LNX1: variants seen among roughly 807,000 people sequenced by gnomAD.
The protein encoded by LNX1 is E3 ubiquitin-protein ligase LNX.
Under a neutral mutation model 68.4 loss-of-function variants are expected in LNX1, and 54 were observed. That is an observed-to-expected ratio of 0.79 (90% CI 0.63 to 0.99). The LOEUF (loss-of-function observed/expected upper bound fraction) is 0.99. Among genes scored for constraint, LNX1 ranks in the 50% least tolerant of loss-of-function variants. LNX1 has a pLI of 0.00. For missense variants in LNX1, 906 were observed against 926.4 expected (o/e 0.98, Z 0.29); for synonymous variants, 336 against 350.0 (o/e 0.96, Z 0.45).
chr4:53,642,731 T>C (rs1734733466), intron 1 of LNX1, among the ~76,000 whole-genome samples: 1 of 152,180 alleles, frequency 6.6e-6, no homozygotes, highest in African/African-American at 2.4e-5. Context: ...CTGCGGGGTC[T>C]GAGGTTTCCT....
intron 2 of LNX1, among the ~76,000 whole-genome samples, chr4:53,510,004 T>A (rs186916452): frequency 3.7e-4 from 57 of 152,372 alleles, no homozygotes; most frequent in Admixed American, 3.7e-3. Flanking sequence ...TGGATATTGA[T>A]GAAGTACATA....
rs545441271 is a variant in LNX1 at position 53,559,124 on chromosome 4, C to T, written c.380+14499G>A. Among the ~76,000 whole-genome samples the T allele has an allele frequency of 2.6e-5, 4 of 152,354 alleles. No homozygotes were observed. The South Asian group carries it at 8.3e-4, about 32-fold the overall frequency. On this transcript the variant is annotated intron_variant, in intron 2 of 10. Transcript: ENST00000263925. ...AGCCAAGCCATGATAGCAAACTCCACTCCACAGGAAGTAGACCAGAGAAAA... is the reference window on the plus strand; with the variant it reads ...AGCCAAGCCATGATAGCAAACTCCATTCCACAGGAAGTAGACCAGAGAAAA...
At chr4:53,539,012 C>T (rs1354181688) in intron 2 of LNX1, 2 of 152,220 alleles carry the variant, frequency 1.3e-5, no homozygotes, top group African/African-American at 4.8e-5. Context: ...AGAAGGAAGA[C>T]TAAATCAACT....
chr4:53,568,049 C>T (rs1477293085), intron 2 of LNX1, among the ~76,000 whole-genome samples: 1 of 152,058 alleles, frequency 6.6e-6, no homozygotes, highest in Non-Finnish European at 1.5e-5. Context: ...GGATTCACAG[C>T]CGAATTCTAC....
rs71197034 is a variant in LNX1 at position 53,612,705 on chromosome 4, A to ATT, written c.-215+3810_-215+3811dup. ...GTATGGTATGCCAGCTAATTTTTGT[A>ATT]TTTTTTTTTTTTGTAGAGATGGGGT... On this transcript the variant is annotated intron_variant, in intron 2 of 3. Coordinates refer to the LNX1 transcript ENST00000504299. Among the ~76,000 whole-genome samples, 448 of 145,514 alleles carry ATT rather than the reference A, an allele frequency of 3.1e-3. 3 individuals carry two copies. The highest frequency in any genetic ancestry group is 0.01 in the Middle Eastern group (3 of 288).
chr4:53,610,120 A>G lies in LNX1; in HGVS notation c.-215+6397T>C, dbSNP rs1190007685. ...CATATTCCTGATCTAAAGTATTTTT[A>G]TTGTTTTTCATATGTCCGCAGAACA... On this transcript the variant is annotated intron_variant, in intron 2 of 3. Transcript: ENST00000504299. Among the ~76,000 whole-genome samples, 4 of 152,048 alleles carry G rather than the reference A, an allele frequency of 2.6e-5. No homozygotes were observed. In the East Asian group the frequency reaches 5.8e-4, roughly 22 times the overall value.
At chr4:53,539,309 T>A (rs1728591173) in intron 2 of LNX1, 2 of 152,256 alleles carry the variant, frequency 1.3e-5, no homozygotes, top group Admixed American at 1.3e-4. Context: ...GATATTTACC[T>A]ACTGAGTTAT....
At chr4:53,640,474 C>T (rs1284480745) in intron 1 of LNX1, among the ~76,000 whole-genome samples, 2 of 152,144 alleles carry the variant, frequency 1.3e-5, no homozygotes, top group Admixed American at 6.5e-5. Flanking sequence ...AGTCTATGGC[C>T]TTAGTGCTTC....
chr4:53,571,802 A>G (rs1472081699), intron 2 of LNX1, among the ~76,000 whole-genome samples: 1 of 152,140 alleles, frequency 6.6e-6, no homozygotes, highest in Non-Finnish European at 1.5e-5. Context: ...CTAAGACTGC[A>G]GGCAGACATC....
intron 2 of LNX1, among the ~76,000 whole-genome samples, chr4:53,533,707 A>G (rs970951466): frequency 2.5e-4 from 38 of 152,270 alleles, no homozygotes; most frequent in Admixed American, 2.2e-3. Context: ...GCCTGGAGAC[A>G]TTTTTGATTG....
intron 10 of LNX1, 29 bp from the exon 11 acceptor site, chr4:53,461,071 T>G (rs1279953301): frequency 6.5e-7 from 1 of 1,527,298 alleles, no homozygotes; most frequent in Non-Finnish European, 8.8e-7. Context: ...CAAGATATGA[T>G]TAGTATTTTA....
intron 2 of LNX1, among the ~76,000 whole-genome samples, chr4:53,541,285 T>G (rs1728750491): frequency 6.6e-6 from 1 of 151,940 alleles, no homozygotes. Flanking sequence ...CTTCAGCAAA[T>G]GGCTCTCTAA....
chr4:53,634,349 T>C, intron 1 of LNX1, among the ~76,000 whole-genome samples: 1 of 149,984 alleles, frequency 6.7e-6, no homozygotes. Context: ...GTTCAAGCAA[T>C]TCTCCTGCCT....
At position 53,538,774 on chromosome 4, in the gene LNX1, C is replaced by T. The variant is rs556842215; in HGVS notation, c.381-30547G>A. Among the ~76,000 whole-genome samples the T allele has an allele frequency of 2.0e-5, 3 of 152,114 alleles. No individual in the cohort carries two copies. The East Asian group carries it at 5.8e-4, about 29-fold the overall frequency. Reference sequence around the variant, plus strand: ...TCGAAATGCAGCAGCCATTAGTGTCCAGTCTCATTATTTTCAAGCCAGGAA... The same window carrying T: ...TCGAAATGCAGCAGCCATTAGTGTCTAGTCTCATTATTTTCAAGCCAGGAA... On this transcript the variant is annotated intron_variant, in intron 2 of 10. Coordinates refer to ENST00000263925, the MANE Select transcript of LNX1 (RefSeq NM_001126328.3).
chr4:53,487,997 T>C (rs1224928639), intron 6 of LNX1, among the ~76,000 whole-genome samples: 2 of 152,232 alleles, frequency 1.3e-5, no homozygotes, highest in Non-Finnish European at 2.9e-5. Context: ...AGTGAATCCA[T>C]CTTGTGCTCA....
chr4:53,631,605 C>T (rs1001356254), intron 1 of LNX1, among the ~76,000 whole-genome samples: 1 of 152,112 alleles, frequency 6.6e-6, no homozygotes, highest in Non-Finnish European at 1.5e-5. Context: ...CTACACATTA[C>T]AAGTATCCGA....
At chr4:53,575,679 C>A (rs1296088046) in intron 1 of LNX1, 12 of 1,390,362 alleles carry the variant, frequency 8.6e-6, no homozygotes, top group South Asian at 4.4e-5. Context: ...GGGACCCACC[C>A]CCTGGGCTGG....
chr4:53,649,705 C>T (rs1038718495), intron 1 of LNX1, among the ~76,000 whole-genome samples: 1 of 152,188 alleles, frequency 6.6e-6, no homozygotes, highest in African/African-American at 2.4e-5. Context: ...TTTAGGATTC[C>T]CCTTGGGCAT....
chr4:53,626,087 G>A (rs1000023650), intron 1 of LNX1, among the ~76,000 whole-genome samples: 6 of 152,112 alleles, frequency 3.9e-5, no homozygotes, highest in Non-Finnish European at 5.9e-5. Flanking sequence ...CATATGTTGC[G>A]ACATGGATGA....
Sources: allele counts gnomAD v4.1 joint callset (sites outside exome capture counted in the v4.1 genomes callset), GRCh38; gene constraint gnomAD v4.1.1; transcripts MANE v1.5; gene names NCBI Gene and HGNC (gene_info 2026-07-23, HGNC 2026-07-21).